TSPAN15: variants seen among roughly 807,000 people sequenced by gnomAD.
The protein encoded by TSPAN15 is tetraspanin-15.
In TSPAN15, 20 loss-of-function variants were observed where a neutral mutation model predicts 34.5. The observed-to-expected ratio is 0.58, with a 90% confidence interval of 0.41 to 0.84. The LOEUF is 0.84. TSPAN15 is among the 40% of genes least tolerant of loss of function. The probability of loss-of-function intolerance (pLI) is 0.00; values close to 1 mark genes in which losing one functional copy is unlikely to be tolerated. For synonymous variants in TSPAN15, 155 were observed against 153.9 expected (o/e 1.01, Z -0.05); for missense variants, 313 against 386.1 (o/e 0.81, Z 1.59).
At chr10:69,520,517 G>A in the TSPAN15 span, among the ~76,000 whole-genome samples, 1 of 152,260 alleles carries the variant, frequency 6.6e-6, no homozygotes, top group East Asian at 1.9e-4. Context: ...ATTAGCAGGC[G>A]TGGTGGCATA....
At chr10:69,542,499 G>A in the TSPAN15 span, among the ~76,000 whole-genome samples, 2 of 152,200 alleles carry the variant, frequency 1.3e-5, no homozygotes, top group Non-Finnish European at 2.9e-5. Flanking sequence ...TGCTAATAAA[G>A]ACATATCTGA....
chr10:69,528,622 A>T, the TSPAN15 span, among the ~76,000 whole-genome samples: 1 of 148,466 alleles, frequency 6.7e-6, no homozygotes, highest in African/African-American at 2.4e-5. Context: ...GAAGAATGAG[A>T]TATGCAGACA....
chr10:69,539,407 G>A, the TSPAN15 span, among the ~76,000 whole-genome samples: 1 of 146,096 alleles, frequency 6.8e-6, no homozygotes, highest in African/African-American at 2.6e-5. Context: ...AGAAGAGGAA[G>A]AGGAAGAGGA....
chr10:69,517,185 C>G, the TSPAN15 span, among the ~76,000 whole-genome samples: 6 of 152,226 alleles, frequency 3.9e-5, no homozygotes. Context: ...GCTCTCCCTT[C>G]CTCTCGCTGC....
rs767406631 is a variant in TSPAN15 at position 69,451,583 on chromosome 10, G to T, written c.-12G>T. On this transcript the variant is annotated 5_prime_UTR_variant, in exon 1 of 8. Coordinates refer to ENST00000373290, the MANE Select transcript of TSPAN15 (RefSeq NM_012339.5). ...CCCGGAGCCCCCGTAACCCGCGCGGGGAGCGCCCAGGATGCCGCGCGGGGA... is the reference window on the plus strand; with the variant it reads ...CCCGGAGCCCCCGTAACCCGCGCGGTGAGCGCCCAGGATGCCGCGCGGGGA... The T allele has an allele frequency of 1.4e-6, 2 of 1,457,728 alleles. No homozygotes were observed. Among genetic ancestry groups the T allele is most frequent in the East Asian group, 2.8e-5 (1 of 35,934 alleles). The allele number at this position is 1,457,728 out of a possible 1,614,324, so 90.3% of individuals were successfully genotyped here.
At chr10:69,492,810 A>G (rs1191899241) in intron 3 of TSPAN15, among the ~76,000 whole-genome samples, 1 of 152,016 alleles carries the variant, frequency 6.6e-6, no homozygotes, top group Non-Finnish European at 1.5e-5. Context: ...GCCCTGGGAG[A>G]GTCCAAACAG....
the TSPAN15 span, among the ~76,000 whole-genome samples, chr10:69,530,820 C>CTCTCTA: frequency 1.9e-3 from 57 of 30,772 alleles, 1 homozygote; most frequent in South Asian, 2.7e-3. Context: ...CTCTCTCTCT[C>CTCTCTA]TATATATATA....
the TSPAN15 span, among the ~76,000 whole-genome samples, chr10:69,527,641 C>CAT: frequency 1.4e-5 from 2 of 146,998 alleles, no homozygotes; most frequent in Non-Finnish European, 3.0e-5. Context: ...TGTTGGGCCA[C>CAT]ATTTAAAGCC....
chr10:69,502,316 A>G (rs1266379350), intron 5 of TSPAN15, among the ~76,000 whole-genome samples: 3 of 152,200 alleles, frequency 2.0e-5, no homozygotes, highest in Non-Finnish European at 4.4e-5. Context: ...GTGCTTCTAC[A>G]TTAAATGGCT....
At chr10:69,488,531 A>G (rs1233682887) in intron 3 of TSPAN15, among the ~76,000 whole-genome samples, 1 of 152,224 alleles carries the variant, frequency 6.6e-6, no homozygotes, top group Non-Finnish European at 1.5e-5. Flanking sequence ...CCCACCCCCA[A>G]TATTTCACCA....
At chr10:69,528,900 G>C in the TSPAN15 span, among the ~76,000 whole-genome samples, 1 of 148,074 alleles carries the variant, frequency 6.8e-6, no homozygotes, top group South Asian at 2.1e-4. Context: ...TCCATGGGCA[G>C]CCATAGGCGG....
chr10:69,484,313 C>T (rs759379028), intron 2 of TSPAN15, among the ~76,000 whole-genome samples: 20 of 152,188 alleles, frequency 1.3e-4, no homozygotes, highest in Non-Finnish European at 1.9e-4. Flanking sequence ...TCACTGCCGG[C>T]GTCAGGCCAA....
chr10:69,539,902 T>C, the TSPAN15 span, among the ~76,000 whole-genome samples: 1 of 151,654 alleles, frequency 6.6e-6, no homozygotes, highest in Non-Finnish European at 1.5e-5. Flanking sequence ...TTATCTCACA[T>C]AGGCTAGAGC....
intron 1 of TSPAN15, among the ~76,000 whole-genome samples, chr10:69,479,871 G>A (rs1287495308): frequency 6.6e-6 from 1 of 152,190 alleles, no homozygotes; most frequent in Non-Finnish European, 1.5e-5. Context: ...TGGGAGGGTT[G>A]GGGTGGCAGC....
At chr10:69,463,413 A>G (rs1841313395) in intron 1 of TSPAN15, among the ~76,000 whole-genome samples, 1 of 152,094 alleles carries the variant, frequency 6.6e-6, no homozygotes, top group South Asian at 2.1e-4. Flanking sequence ...CTTGCTTGGG[A>G]TCATGGTGGT....
the TSPAN15 span, among the ~76,000 whole-genome samples, chr10:69,533,738 G>A: frequency 6.6e-6 from 1 of 152,226 alleles, no homozygotes; most frequent in Non-Finnish European, 1.5e-5. Flanking sequence ...TTTATAGTCA[G>A]TTGGTCAGAA....
chr10:69,531,685 G>T, the TSPAN15 span, among the ~76,000 whole-genome samples: 1 of 152,060 alleles, frequency 6.6e-6, no homozygotes, highest in Non-Finnish European at 1.5e-5. Flanking sequence ...AAAAAAGCAT[G>T]CCAGAAAGAT....
intron 6 of TSPAN15, among the ~76,000 whole-genome samples, chr10:69,505,778 A>G (rs1213451328): frequency 6.6e-6 from 1 of 152,148 alleles, no homozygotes; most frequent in Non-Finnish European, 1.5e-5. Flanking sequence ...CTTTTCATGT[A>G]TGGAAAACAT....
the TSPAN15 span, among the ~76,000 whole-genome samples, chr10:69,526,317 A>G: frequency 6.7e-6 from 1 of 148,426 alleles, no homozygotes; most frequent in Non-Finnish European, 1.5e-5. Flanking sequence ...ATGTGATTAA[A>G]AGTCTATGAC....
Sources: gnomAD v4.1 joint callset for allele counts (sites outside exome capture counted in the v4.1 genomes callset) on GRCh38, gnomAD v4.1.1 for gene constraint, MANE v1.5 for transcripts, NCBI Gene and HGNC (gene_info 2026-07-23, HGNC 2026-07-21) for gene names.